Variants in OXNAD1 observed in about 807,000 individuals in gnomAD.
OXNAD1 encodes oxidoreductase NAD-binding domain-containing protein 1.
Under a neutral mutation model 32.9 loss-of-function variants are expected in OXNAD1, and 34 were observed. The observed-to-expected ratio is 1.03, with a 90% CI of 0.79 to 1.38. OXNAD1 has a LOEUF of 1.38. Ranked by LOEUF, OXNAD1 falls within the 40% of genes most tolerant of loss-of-function variation. The probability of loss-of-function intolerance (pLI) is 0.00; values close to 1 mark genes in which losing one functional copy is unlikely to be tolerated. For synonymous variants in OXNAD1, 134 were observed against 135.2 expected, an observed-to-expected ratio of 0.99 and a Z score of 0.06; for missense variants, 407 against 379.4, an observed-to-expected ratio of 1.07 and a Z score of -0.60.
rs2070632479 is a variant in OXNAD1 at position 16,334,223 on chromosome 3, A to G, written c.*31-2889A>G. Among the ~76,000 whole-genome samples, 1 of 152,102 alleles carries G rather than the reference A, an allele frequency of 6.6e-6. No homozygotes were observed. The highest frequency in any genetic ancestry group is 2.4e-5 in the African/African-American group (1 of 41,428). ...AAATACCCTGAGATACTATTTTTTC[A>G]CCTATTGAACTGGTAAAAACCCAAA... On this transcript the variant is annotated intron_variant, in intron 9 of 9. Coordinates refer to the OXNAD1 transcript ENST00000435829. This position sits in a 1 kb window ranked among gnomAD's most constrained non-coding sequence, Gnocchi z 4.3.
chr3:16,319,859 C>CT (rs2068844209), intron 9 of OXNAD1, among the ~76,000 whole-genome samples: 1 of 152,240 alleles, frequency 6.6e-6, no homozygotes, highest in South Asian at 2.1e-4. Context: ...ATCCACACCA[C>CT]TTAAAGGCAG....
intron 9 of OXNAD1, among the ~76,000 whole-genome samples, chr3:16,318,962 C>G (rs1463494311): frequency 6.6e-6 from 1 of 152,184 alleles, no homozygotes; most frequent in East Asian, 1.9e-4. Context: ...GCAGGCATCT[C>G]GAGGCTCCAA....
rs2071549552 is a variant in OXNAD1, at chr3:16,345,037, G to A, written c.*31-4139G>A. 6.6e-6 allele frequency: 1 copy of A among 152,226 alleles called. No individual in the cohort carries two copies. Among genetic ancestry groups the A allele is most frequent in the Admixed American group, 6.5e-5 (1 of 15,282 alleles). 9.4% of individuals were successfully genotyped at this position (152,226 alleles called of 1,614,324 possible). A position where few individuals can be genotyped will look rare whatever the true frequency, so the allele number is the denominator to read the frequency against. On this transcript the variant is annotated intron_variant, in intron 9 of 9. Coordinates refer to the OXNAD1 transcript ENST00000606098. The surrounding 1 kb of genome is among the most constrained non-coding windows in gnomAD (Gnocchi z 5.2). ...GGGCAGCCCCCAGGAGCAAGGACCA[G>A]CTCCTGGATAACTGCCTGCAAGAAA...
rs2125195972 is a variant in OXNAD1 at position 16,322,458 on chromosome 3, T to C, written c.*31-14654T>C. Among the ~76,000 whole-genome samples the C allele has an allele frequency of 6.6e-6, 1 of 151,766 alleles. No homozygotes were observed. Among genetic ancestry groups the C allele is most frequent in the East Asian group, 1.9e-4 (1 of 5,134 alleles). On this transcript the variant is annotated intron_variant, in intron 9 of 9. Transcript: ENST00000435829. This position sits in a 1 kb window ranked among gnomAD's most constrained non-coding sequence, Gnocchi z 6.2. ...AGGAATGCAGGAGTGATGCCAGGAGTGAGGAGCCGAGCAGGTCAGGCAGGC... is the reference window on the plus strand; with the variant it reads ...AGGAATGCAGGAGTGATGCCAGGAGCGAGGAGCCGAGCAGGTCAGGCAGGC...
At chr3:16,331,810 C>T (rs1344966951) in intron 9 of OXNAD1, among the ~76,000 whole-genome samples, 1 of 152,174 alleles carries the variant, frequency 6.6e-6, no homozygotes, top group East Asian at 1.9e-4. Context: ...TGTAGTGACT[C>T]TCTAGGCAAC....
downstream of OXNAD1, among the ~76,000 whole-genome samples, chr3:16,341,819 C>T (rs1442357084): frequency 6.6e-6 from 1 of 152,078 alleles, no homozygotes; most frequent in African/African-American, 2.4e-5. The surrounding 1 kb of genome is among the most constrained non-coding windows in gnomAD (Gnocchi z 4.7). Context: ...TTTCAGCATA[C>T]AGTTACATAC....
At position 16,336,356 on chromosome 3, in the gene OXNAD1, A is replaced by G. The variant is rs2125269300; in HGVS notation, c.*31-756A>G. On this transcript the variant is annotated intron_variant, in intron 9 of 9. Coordinates refer to the OXNAD1 transcript ENST00000435829. The surrounding 1 kb of genome is among the most constrained non-coding windows in gnomAD (Gnocchi z 6.0). Reference sequence around the variant, plus strand: ...GAGAACAAGCACATGGTTCCCATCCAGTGGAGCCCATGGAGGTGAGGTGGA... The same window carrying G: ...GAGAACAAGCACATGGTTCCCATCCGGTGGAGCCCATGGAGGTGAGGTGGA... Among the ~76,000 whole-genome samples, 2 of 152,264 alleles carry G rather than the reference A, an allele frequency of 1.3e-5. No individual in the cohort carries two copies. The highest frequency in any genetic ancestry group is 2.1e-4 in the South Asian group (1 of 4,824).
chr3:16,347,610 CCACCTCTGTGTGCACACT>C (rs1227897244), intron 9 of OXNAD1: 4 of 152,210 alleles, frequency 2.6e-5, no homozygotes, highest in African/African-American at 7.2e-5. Context: ...AGATGCATAC[CCACCTCTGTGTGCACACT>C]CACCTCTGTG....
intron 2 of OXNAD1, among the ~76,000 whole-genome samples, chr3:16,269,655 A>C (rs1022992150): frequency 6.6e-6 from 1 of 152,354 alleles, no homozygotes; most frequent in East Asian, 1.9e-4. Context: ...CTAAAGCACC[A>C]TTGCTTAGGC....
intron 9 of OXNAD1, among the ~76,000 whole-genome samples, chr3:16,343,515 T>C (rs2071446628): frequency 6.6e-6 from 1 of 152,226 alleles, no homozygotes; most frequent in Admixed American, 6.5e-5. Context: ...TCACTGTCAC[T>C]TTCACCTGTA....
In OXNAD1 at chr3:16,277,981, C is replaced by A. The variant is rs1559732697; in HGVS notation, c.183+6259C>A. On this transcript the variant is annotated intron_variant, in intron 4 of 8. Coordinates refer to ENST00000285083, the MANE Select transcript of OXNAD1 (RefSeq NM_138381.5). This position sits in a 1 kb window ranked among gnomAD's most constrained non-coding sequence, Gnocchi z 4.3. Reference sequence around the variant, plus strand: ...TGTAATGCAGTAAAGATTGTTCAGGCAAGACAAATTTTACTGGAGGGGGTC... The same window carrying A: ...TGTAATGCAGTAAAGATTGTTCAGGAAAGACAAATTTTACTGGAGGGGGTC... 6.6e-6 allele frequency among the ~76,000 whole-genome samples: 1 copy of A among 152,188 alleles called. No homozygotes were observed. Among genetic ancestry groups the A allele is most frequent in the Non-Finnish European group, 1.5e-5 (1 of 68,038 alleles).
chr3:16,283,963 C>T (rs2065914676), intron 4 of OXNAD1, among the ~76,000 whole-genome samples: 1 of 152,172 alleles, frequency 6.6e-6, no homozygotes. Context: ...GTTGCAAGAA[C>T]ACCGAAGCTA....
intron 9 of OXNAD1, among the ~76,000 whole-genome samples, chr3:16,324,613 A>C (rs866612854): frequency 0.014 from 1,265 of 90,594 alleles, 18 homozygotes; most frequent in Middle Eastern, 0.023. Flanking sequence ...AATGTCCCTG[A>C]CCCCCCCCCT....
Position 16,335,148 on chromosome 3 carries a change from TTTG to T in OXNAD1, c.*31-1960_*31-1958del, listed in dbSNP as rs1330575765. Among the ~76,000 whole-genome samples the T allele has an allele frequency of 2.6e-5, 4 of 152,218 alleles. No individual in the cohort carries two copies. The highest frequency in any genetic ancestry group is 2.6e-4 in the Admixed American group (4 of 15,280). ...TTGTTTTAAGTCACTAAATCTGTGA[TTTG>T]TTGCCGCAGCAACAGGAAATTAATC... On this transcript the variant is annotated intron_variant, in intron 9 of 9. Coordinates refer to the OXNAD1 transcript ENST00000435829. This position sits in a 1 kb window ranked among gnomAD's most constrained non-coding sequence, Gnocchi z 4.7.
At position 16,327,552 on chromosome 3, in the gene OXNAD1, G is replaced by A. The variant is rs1004855169; in HGVS notation, c.*31-9560G>A. ...AGGCAGGTGGATCACATGGTCAGGAGATCAAGACCATCCTGGCTAACACAG... is the reference window on the plus strand; with the variant it reads ...AGGCAGGTGGATCACATGGTCAGGAAATCAAGACCATCCTGGCTAACACAG... On this transcript the variant is annotated intron_variant, in intron 9 of 9. Transcript: ENST00000435829. This position sits in a 1 kb window ranked among gnomAD's most constrained non-coding sequence, Gnocchi z 4.2. Among the ~76,000 whole-genome samples, 2 of 152,066 alleles carry A rather than the reference G, an allele frequency of 1.3e-5. No individual in the cohort carries two copies. Among genetic ancestry groups the A allele is most frequent in the Admixed American group, 6.6e-5 (1 of 15,262 alleles).
At chr3:16,325,010 G>A (rs2069555401) in intron 9 of OXNAD1, among the ~76,000 whole-genome samples, 1 of 151,932 alleles carries the variant, frequency 6.6e-6, no homozygotes, top group Admixed American at 6.6e-5. Flanking sequence ...ATCAGTGTGA[G>A]GCTATATCTC....
At chr3:16,332,607 C>G (rs1183579541) in intron 9 of OXNAD1, among the ~76,000 whole-genome samples, 1 of 152,164 alleles carries the variant, frequency 6.6e-6, no homozygotes, top group Non-Finnish European at 1.5e-5. Context: ...CTCTGCAGTT[C>G]ACATCCCCCA....
intron 9 of OXNAD1, among the ~76,000 whole-genome samples, chr3:16,313,205 ATTTTTTTT>A (rs750491540): frequency 9.6e-6 from 1 of 103,806 alleles, no homozygotes; most frequent in East Asian, 2.6e-4. Flanking sequence ...CACCCAGCGG[ATTTTTTTT>A]TTTTTTTTTT....
chr3:16,347,127 T>C (rs2071775621), intron 9 of OXNAD1, among the ~76,000 whole-genome samples: 2 of 152,230 alleles, frequency 1.3e-5, no homozygotes, highest in Admixed American at 1.3e-4. Context: ...ATTGTCCCAG[T>C]GTACAGCTCT....
Sources: allele counts gnomAD v4.1 joint callset (sites outside exome capture counted in the v4.1 genomes callset), GRCh38; gene constraint gnomAD v4.1.1; non-coding constraint Gnocchi (gnomAD v3.1); transcripts MANE v1.5; gene names NCBI Gene and HGNC (gene_info 2026-07-23, HGNC 2026-07-21).